Variants in TRAPPC6B observed in about 807,000 individuals in gnomAD.
The protein encoded by TRAPPC6B is trafficking protein particle complex subunit 6B.
TRAPPC6B carries 27 observed loss-of-function variants against 24.7 expected under a neutral mutation model. The observed-to-expected ratio is 1.09, with a 90% CI of 0.81 to 1.51. The LOEUF is 1.51. Among genes scored for constraint, TRAPPC6B ranks in the 40% most tolerant of loss-of-function variants. The pLI, the probability that TRAPPC6B is intolerant of heterozygous loss-of-function variation, is 0.00. For synonymous variants in TRAPPC6B, 80 were observed against 66.6 expected (o/e 1.20, Z -0.98); for missense variants, 212 against 190.8 (o/e 1.11, Z -0.66).
chr14:39,155,104 A>AT (rs1015173402), intron 3 of TRAPPC6B, among the ~76,000 whole-genome samples: 2 of 151,442 alleles, frequency 1.3e-5, no homozygotes, highest in African/African-American at 2.4e-5. Context: ...AGTTTTATTA[A>AT]TTTTTTGTAG....
At chr14:39,169,738 A>C (rs1055493569) in intron 1 of TRAPPC6B, among the ~76,000 whole-genome samples, 1 of 152,238 alleles carries the variant, frequency 6.6e-6, no homozygotes. Flanking sequence ...CAGGGACAAC[A>C]CTAAAAGTAC....
chr14:39,151,633 A>C, intron 5 of TRAPPC6B, 113 bp downstream of exon 5: 1 of 767,786 alleles, frequency 1.3e-6, no homozygotes, highest in Non-Finnish European at 2.1e-6. Context: ...TACATTGATA[A>C]AACTAAAATG....
chr14:39,163,073 T>G (rs2139386974), intron 1 of TRAPPC6B, among the ~76,000 whole-genome samples: 1 of 150,764 alleles, frequency 6.6e-6, no homozygotes, highest in Non-Finnish European at 1.5e-5. Context: ...TCTATCCTAG[T>G]GATTTTAAAA....
chr14:39,159,812 T>C (rs886334968), intron 1 of TRAPPC6B, among the ~76,000 whole-genome samples: 1 of 152,128 alleles, frequency 6.6e-6, no homozygotes, highest in African/African-American at 2.4e-5. Context: ...AAAACTTCAA[T>C]AGAAGGATAC....
At chr14:39,163,719 T>G (rs184171576) in intron 1 of TRAPPC6B, among the ~76,000 whole-genome samples, 1 of 151,062 alleles carries the variant, frequency 6.6e-6, no homozygotes, top group Admixed American at 6.6e-5. Flanking sequence ...GGCTTATTAT[T>G]TGCTAAACTT....
chr14:39,168,687 C>G (rs550000441), intron 1 of TRAPPC6B, among the ~76,000 whole-genome samples: 2 of 152,100 alleles, frequency 1.3e-5, no homozygotes, highest in Non-Finnish European at 2.9e-5. Flanking sequence ...GAAAACCTGA[C>G]GATAATTTTC....
chr14:39,151,980 G>C, intron 4 of TRAPPC6B, 141 bp from the exon 5 acceptor site: 1 of 603,894 alleles, frequency 1.7e-6, no homozygotes. Context: ...TCAAATTACT[G>C]AAAAATATTG....
intron 3 of TRAPPC6B, chr14:39,157,914 T>C: frequency 6.0e-6 from 1 of 166,782 alleles, no homozygotes. Context: ...CAAATTCTTC[T>C]TCTTCAAAAA....
chr14:39,157,351 C>A, intron 3 of TRAPPC6B: 1 of 340,568 alleles, frequency 2.9e-6, no homozygotes, highest in Non-Finnish European at 5.7e-6. Context: ...GCTGCTTAAG[C>A]TGGCCCACAA....
intron 3 of TRAPPC6B, chr14:39,157,411 G>A: frequency 3.0e-6 from 1 of 330,760 alleles, no homozygotes; most frequent in South Asian, 2.6e-5. Context: ...ATTGGCCCGG[G>A]CTGAAAAGAA....
Position 39,150,373 on chromosome 14 carries a change from G to A in TRAPPC6B, c.454C>T (p.Gln152Ter). Residue 152 changes from glutamine to a stop codon, truncating the protein, a stop_gained, in exon 6 of 6, where the codon CAG (glutamine) becomes TAG (stop). Coordinates refer to ENST00000330149, the MANE Select transcript of TRAPPC6B (RefSeq NM_001079537.2). LOFTEE classifies it high-confidence loss of function. Reference sequence around the variant, plus strand: ...TTCTACAGCTTCTGTATCATCACCTGAAATTTGCCTAAAAAAAAAAATACA... The same window carrying A: ...TTCTACAGCTTCTGTATCATCACCTAAAATTTGCCTAAAAAAAAAAATACA... ...EVSSMPACKF[Q>*]VMIQKL The A allele has an allele frequency of 1.9e-6, 3 of 1,578,052 alleles. No homozygotes were observed. Among genetic ancestry groups the A allele is most frequent in the Non-Finnish European group, 1.7e-6 (2 of 1,168,376 alleles).
At chr14:39,160,440 C>T (rs944771485) in intron 1 of TRAPPC6B, among the ~76,000 whole-genome samples, 14 of 151,864 alleles carry the variant, frequency 9.2e-5, no homozygotes, top group African/African-American at 3.4e-4. Context: ...AATAGCTGGG[C>T]ATGGTAGCAT....
rs141117026 is a variant in TRAPPC6B at position 39,153,042 on chromosome 14, G to C, written c.351+1169C>G. Among the ~76,000 whole-genome samples the C allele has an allele frequency of 1.7e-3, 258 of 149,070 alleles. 3 individuals are homozygous for C. Among genetic ancestry groups the C allele is most frequent in the Middle Eastern group, 7.1e-3 (2 of 280 alleles). On this transcript the variant is annotated intron_variant, in intron 4 of 5. Coordinates refer to ENST00000330149, the MANE Select transcript of TRAPPC6B (RefSeq NM_001079537.2). Reference sequence around the variant, plus strand: ...GCTTTTGTAATCACGTCTGTAATCCGAGCACTTTGGGAGGCTGAGGTGGGT... The same window carrying C: ...GCTTTTGTAATCACGTCTGTAATCCCAGCACTTTGGGAGGCTGAGGTGGGT...
At position 39,151,857 on chromosome 14, in the gene TRAPPC6B, C is replaced by T; in HGVS notation, c.352-18G>A. The T allele has an allele frequency of 6.6e-7, 1 of 1,518,434 alleles. No individual in the cohort carries two copies. The highest frequency in any genetic ancestry group is 9.0e-7 in the Non-Finnish European group (1 of 1,113,242). 94.1% of individuals were successfully genotyped at this position (1,518,434 alleles called of 1,614,324 possible). Reference sequence around the variant, plus strand: ...GCTAAATACTAAAAGGAAAAAAAATCATTAAAAATAGTAAGGATTTACTAA... The same window carrying T: ...GCTAAATACTAAAAGGAAAAAAAATTATTAAAAATAGTAAGGATTTACTAA... On this transcript the variant is annotated intron_variant, in intron 4 of 5. Transcript: ENST00000330149.
chr14:39,150,635 T>C (rs1336565472), intron 5 of TRAPPC6B, among the ~76,000 whole-genome samples: 1 of 152,096 alleles, frequency 6.6e-6, no homozygotes, highest in Non-Finnish European at 1.5e-5. Flanking sequence ...ACCTCCTGGG[T>C]TCAAGTGATT....
intron 1 of TRAPPC6B, among the ~76,000 whole-genome samples, chr14:39,166,776 T>C (rs576100260): frequency 1.3e-5 from 2 of 152,270 alleles, no homozygotes; most frequent in Admixed American, 6.5e-5. Context: ...TTTCAGACTT[T>C]TGCATTTCGG....
At chr14:39,159,606 C>A in intron 1 of TRAPPC6B, 56 bp from the exon 2 acceptor site, 2 of 1,321,840 alleles carry the variant, frequency 1.5e-6, no homozygotes, top group Non-Finnish European at 2.1e-6. Flanking sequence ...TGTTAGTATT[C>A]AGAAATTGTT....
At chr14:39,165,677 G>A in intron 1 of TRAPPC6B, among the ~76,000 whole-genome samples, 1 of 152,172 alleles carries the variant, frequency 6.6e-6, no homozygotes, top group East Asian at 1.9e-4. Flanking sequence ...CATGCCCATA[G>A]CCCTAGCTAT....
At chr14:39,163,772 T>C (rs11626002) in intron 1 of TRAPPC6B, among the ~76,000 whole-genome samples, 14,611 of 150,990 alleles carry the variant, frequency 0.097, 1,163 homozygotes, top group East Asian at 0.32. Context: ...GCTGTGACTA[T>C]TAAATCTGCG....
Sources: allele counts gnomAD v4.1 joint callset (sites outside exome capture counted in the v4.1 genomes callset), GRCh38; gene constraint gnomAD v4.1.1; transcripts MANE v1.5; gene names NCBI Gene and HGNC (gene_info 2026-07-23, HGNC 2026-07-21).